Variants in NRG1 observed in about 807,000 individuals in gnomAD.
NRG1 encodes the protein pro-neuregulin-1, membrane-bound isoform.
In NRG1, 18 loss-of-function variants were observed where a neutral mutation model predicts 63.8. The observed-to-expected ratio is 0.28, with a 90% CI of 0.19 to 0.42. NRG1 has a LOEUF of 0.42. NRG1 is among the 10% of genes least tolerant of loss of function. NRG1 has a pLI of 1.00. For missense variants in NRG1, 762 were observed against 814.7 expected (o/e 0.94, Z 0.79); for synonymous variants, 302 against 301.3 (o/e 1.00, Z -0.02).
chr8:32,224,443 C>T (rs1478203335), intron 1 of NRG1, among the ~76,000 whole-genome samples: 2 of 152,150 alleles, frequency 1.3e-5, no homozygotes, highest in Non-Finnish European at 2.9e-5. Context: ...TGAATTAATC[C>T]TTCTTTACTT....
At chr8:32,010,367 C>T (rs1429531293) in intron 1 of NRG1, among the ~76,000 whole-genome samples, 4 of 152,002 alleles carry the variant, frequency 2.6e-5, no homozygotes, top group East Asian at 1.9e-4. Context: ...ATTAGATTTA[C>T]AATATATCTT....
intron 1 of NRG1, among the ~76,000 whole-genome samples, chr8:32,557,095 C>G (rs1051471620): frequency 6.6e-6 from 1 of 152,036 alleles, no homozygotes. Context: ...AAGCTCCCCC[C>G]ACTGGGTTCA....
chr8:32,353,353 A>C (rs542122480), intron 1 of NRG1, among the ~76,000 whole-genome samples: 1 of 151,462 alleles, frequency 6.6e-6, no homozygotes, highest in Non-Finnish European at 1.5e-5. Context: ...AAAATCTTAA[A>C]ATAATGATTA....
intron 5 of NRG1, among the ~76,000 whole-genome samples, chr8:32,694,993 C>T (rs964433424): frequency 3.9e-5 from 6 of 152,058 alleles, no homozygotes; most frequent in African/African-American, 7.2e-5. Flanking sequence ...AAGGTGAGAG[C>T]GGATGAAATT....
intron 1 of NRG1, among the ~76,000 whole-genome samples, chr8:32,301,389 C>T (rs772959272): frequency 5.9e-5 from 9 of 152,152 alleles, no homozygotes; most frequent in Admixed American, 2.0e-4. Context: ...AATAAAATCA[C>T]ATCAATGGTC....
At chr8:32,743,457 T>TA (rs1366264285) in intron 7 of NRG1, among the ~76,000 whole-genome samples, 1 of 150,894 alleles carries the variant, frequency 6.6e-6, no homozygotes, top group African/African-American at 2.5e-5. Flanking sequence ...TAGTTACTGT[T>TA]ATTTGTTTAA....
chr8:31,795,309 C>T (rs1003416450), intron 1 of NRG1, among the ~76,000 whole-genome samples: 4 of 152,142 alleles, frequency 2.6e-5, no homozygotes, highest in African/African-American at 9.7e-5. Flanking sequence ...ATAGGCCAGA[C>T]TTCTACGTGT....
intron 5 of NRG1, among the ~76,000 whole-genome samples, chr8:32,639,368 T>C (rs1851899686): frequency 6.6e-6 from 1 of 152,158 alleles, no homozygotes; most frequent in African/African-American, 2.4e-5. Flanking sequence ...ATCGCGCCAC[T>C]GCACTCCAGC....
intron 1 of NRG1, among the ~76,000 whole-genome samples, chr8:32,072,361 G>C (rs1825883165): frequency 6.6e-6 from 1 of 151,340 alleles, no homozygotes; most frequent in African/African-American, 2.4e-5. Flanking sequence ...CATTTCCTCT[G>C]GGGAAATAAA....
chr8:31,783,736 C>A (rs1259646375), intron 1 of NRG1, among the ~76,000 whole-genome samples: 2 of 152,018 alleles, frequency 1.3e-5, no homozygotes, highest in Admixed American at 6.6e-5. Flanking sequence ...TAATTTGGAA[C>A]AACTGAGATG....
intron 5 of NRG1, among the ~76,000 whole-genome samples, chr8:32,716,336 T>G (rs150700157): frequency 1.3e-5 from 2 of 152,300 alleles, no homozygotes; most frequent in East Asian, 3.9e-4. Context: ...AGGAACCGAA[T>G]TGGAAGAATG....
intron 1 of NRG1, among the ~76,000 whole-genome samples, chr8:32,470,851 A>G (rs1463791601): frequency 6.6e-6 from 1 of 151,100 alleles, no homozygotes; most frequent in Non-Finnish European, 1.5e-5. Flanking sequence ...CCCAGTGGGG[A>G]AAGTGGCATG....
At chr8:31,947,572 C>T (rs1321854446) in intron 1 of NRG1, among the ~76,000 whole-genome samples, 4 of 152,032 alleles carry the variant, frequency 2.6e-5, no homozygotes, top group Non-Finnish European at 5.9e-5. Flanking sequence ...CTATTAGATC[C>T]GGTCAACATT....
At chr8:32,536,363 C>T (rs1037400240) in intron 1 of NRG1, among the ~76,000 whole-genome samples, 9 of 152,124 alleles carry the variant, frequency 5.9e-5, no homozygotes, top group African/African-American at 1.7e-4. Context: ...GATGTGTGGC[C>T]CTCTCACTAT....
At chr8:32,477,806 GTC>G (rs759707200) in intron 1 of NRG1, among the ~76,000 whole-genome samples, 38 of 152,092 alleles carry the variant, frequency 2.5e-4, no homozygotes, top group Non-Finnish European at 4.7e-4. Flanking sequence ...CTGTTCTTTG[GTC>G]TCTCACAATA....
chr8:32,432,736 C>T (rs1818300613), intron 1 of NRG1, among the ~76,000 whole-genome samples: 1 of 151,992 alleles, frequency 6.6e-6, no homozygotes. Context: ...TCAAGCAATC[C>T]TCCTGCCTCC....
At chr8:32,062,118 T>A (rs1586821818) in intron 1 of NRG1, among the ~76,000 whole-genome samples, 1 of 152,178 alleles carries the variant, frequency 6.6e-6, no homozygotes, top group Middle Eastern at 3.4e-3. Context: ...ACAGTTTTAT[T>A]GTGTTTTGTG....
chr8:32,038,292 T>C (rs536360087), intron 1 of NRG1, among the ~76,000 whole-genome samples: 1 of 152,142 alleles, frequency 6.6e-6, no homozygotes, highest in Admixed American at 6.5e-5. Flanking sequence ...TTTTCCTCAC[T>C]GTCTGTGGGT....
chr8:32,548,090 C>T (rs571191787), upstream of NRG1: 11 of 496,806 alleles, frequency 2.2e-5, no homozygotes, highest in South Asian at 5.9e-4. Context: ...CGCGCCGCCA[C>T]CCCCCGCCCG....
Sources: gnomAD v4.1 joint callset for allele counts (sites outside exome capture counted in the v4.1 genomes callset) on GRCh38, gnomAD v4.1.1 for gene constraint, MANE v1.5 for transcripts, NCBI Gene and HGNC (gene_info 2026-07-23, HGNC 2026-07-21) for gene names.